PPIP5K2: variants seen among roughly 807,000 people sequenced by gnomAD.
PPIP5K2 encodes diphosphoinositol pentakisphosphate kinase 2, also known as inositol hexakisphosphate and diphosphoinositol-pentakisphosphate kinase 2.
A neutral mutation model predicts 154.6 loss-of-function variants in PPIP5K2; 105 were observed. That is an observed-to-expected ratio of 0.68 (90% CI 0.58 to 0.80). The LOEUF is 0.80. Among genes scored for constraint, PPIP5K2 ranks in the 30% least tolerant of loss-of-function variants. The pLI, the probability that PPIP5K2 is intolerant of heterozygous loss-of-function variation, is 0.00. For missense variants in PPIP5K2, 992 were observed against 1,504.6 expected (o/e 0.66, Z 5.64); for synonymous variants, 480 against 490.3 (o/e 0.98, Z 0.28).
chr5:103,196,013 T>A (rs1554228406), intron 30 of PPIP5K2, among the ~76,000 whole-genome samples: 1 of 152,164 alleles, frequency 6.6e-6, no homozygotes, highest in African/African-American at 2.4e-5. Flanking sequence ...CATATAACTG[T>A]CAGAAATGAT....
chr5:103,167,385 A>C lies in PPIP5K2; in HGVS notation c.2062+65A>C. 3.9e-6 allele frequency: 5 copies of C among 1,276,922 alleles called. No homozygotes were observed. In the South Asian group the frequency reaches 9.5e-5, roughly 24 times the overall value. The allele number at this position is 1,276,922 out of a possible 1,614,324, so 79.1% of individuals were successfully genotyped here. ...TACTATTCAATTAAGCATTTAATATATGATGCACCAATCTTGTTGTAAGAA... is the reference window on the plus strand; with the variant it reads ...TACTATTCAATTAAGCATTTAATATCTGATGCACCAATCTTGTTGTAAGAA... On this transcript the variant is annotated intron_variant, in intron 18 of 30. Coordinates refer to ENST00000358359, the MANE Select transcript of PPIP5K2 (RefSeq NM_001276277.3).
At chr5:103,174,993 T>TG (rs1382173457) in intron 21 of PPIP5K2, among the ~76,000 whole-genome samples, 1 of 152,098 alleles carries the variant, frequency 6.6e-6, no homozygotes, top group Admixed American at 6.6e-5. Context: ...TAATACTACT[T>TG]GAAGTCCAGA....
intron 1 of PPIP5K2, among the ~76,000 whole-genome samples, chr5:103,123,536 A>G (rs1789133646): frequency 6.6e-6 from 1 of 152,226 alleles, no homozygotes; most frequent in South Asian, 2.1e-4. Context: ...TTTTAGTAGC[A>G]TAACACTCAT....
chr5:103,201,272 C>T (rs1802949380), intron 30 of PPIP5K2, among the ~76,000 whole-genome samples: 1 of 152,296 alleles, frequency 6.6e-6, no homozygotes, highest in South Asian at 2.1e-4. Flanking sequence ...AAAATATATT[C>T]ATTTCCTAGG....
intron 5 of PPIP5K2, 69 bp from the exon 6 acceptor site, chr5:103,146,458 T>A (rs1255176122): frequency 6.9e-7 from 1 of 1,459,846 alleles, no homozygotes; most frequent in Non-Finnish European, 9.2e-7. Flanking sequence ...AAGTCCTCGA[T>A]AATAATGTGG....
intron 5 of PPIP5K2, among the ~76,000 whole-genome samples, chr5:103,143,086 T>A (rs1793124325): frequency 6.6e-6 from 1 of 152,164 alleles, no homozygotes; most frequent in African/African-American, 2.4e-5. Flanking sequence ...GTCATCAATT[T>A]AAAATAATTG....
In PPIP5K2 at chr5:103,120,413, A is replaced by T. The variant is rs781892962; in HGVS notation, c.-360A>T. The T allele has an allele frequency of 2.2e-6, 1 of 456,646 alleles. No individual in the cohort carries two copies. Among genetic ancestry groups the T allele is most frequent in the South Asian group, 1.5e-5 (1 of 64,566 alleles). The allele number at this position is 456,646 out of a possible 1,614,324, so 28.3% of individuals were successfully genotyped here. A position where few individuals can be genotyped will look rare whatever the true frequency, so the allele number is the denominator to read the frequency against. ...CAAACACCTCACCCCTGCCTCCGGG[A>T]TGAAAGGGGGTAACCTAGACCTGAA... On this transcript the variant is annotated 5_prime_UTR_variant, in exon 1 of 31. The change abolishes an upstream ATG in the 5' untranslated region. Transcript: ENST00000358359.
Position 103,203,392 on chromosome 5 carries a change from A to G in PPIP5K2, c.*1758A>G, listed in dbSNP as rs1317789696. On this transcript the variant is annotated 3_prime_UTR_variant, in exon 31 of 31. Transcript: ENST00000358359. ...AAGTACAGTACAACTAACTTTTTCC[A>G]TTGTTATGCAAGAACTATTACTTTC... 5 of 152,176 alleles carry G rather than the reference A, an allele frequency of 3.3e-5. No individual in the cohort carries two copies. The highest frequency in any genetic ancestry group is 7.4e-5 in the Non-Finnish European group (5 of 68,018). The allele number at this position is 152,176 out of a possible 1,614,324, so 9.4% of individuals were successfully genotyped here.
chr5:103,176,807 T>G, intron 21 of PPIP5K2: 1 of 998,414 alleles, frequency 1.0e-6, no homozygotes, highest in Non-Finnish European at 1.4e-6. Flanking sequence ...TGAATGCTTG[T>G]AGTACATGTT....
At position 103,180,345 on chromosome 5, in the gene PPIP5K2, A is replaced by T. The variant is rs372726722; in HGVS notation, c.2922+157A>T. Among the ~76,000 whole-genome samples, 31 of 152,270 alleles carry T rather than the reference A, an allele frequency of 2.0e-4. No homozygotes were observed. In the East Asian group the frequency reaches 4.4e-3, roughly 22 times the overall value. ...TTTAAATAAATTACAAAAAATATAGAGGCAGTTCAAAAATAGATTAGCTTT... is the reference window on the plus strand; with the variant it reads ...TTTAAATAAATTACAAAAAATATAGTGGCAGTTCAAAAATAGATTAGCTTT... On this transcript the variant is annotated intron_variant, in intron 24 of 30. Coordinates refer to ENST00000358359, the MANE Select transcript of PPIP5K2 (RefSeq NM_001276277.3).
intron 9 of PPIP5K2, among the ~76,000 whole-genome samples, chr5:103,152,379 T>TA (rs1403206252): frequency 3.3e-5 from 5 of 151,966 alleles, no homozygotes; most frequent in African/African-American, 1.2e-4. Context: ...GATGTAATTG[T>TA]AGTGATTTCT....
Position 103,190,825 on chromosome 5 carries a change from GT to G in PPIP5K2, c.3353-10del, listed in dbSNP as rs782657707. The G allele has an allele frequency of 5.8e-6, 9 of 1,548,456 alleles. No individual in the cohort carries two copies. Among genetic ancestry groups the G allele is most frequent in the Middle Eastern group, 1.7e-4 (1 of 5,742 alleles). On this transcript the variant is annotated splice_polypyrimidine_tract_variant and intron_variant, in intron 28 of 30. Coordinates refer to ENST00000358359, the MANE Select transcript of PPIP5K2 (RefSeq NM_001276277.3). ...ATCCATCTTTTATTTTTTGTTTTTG[GT>G]TTTTTTCTCTTCTAGGCTTTGAATT...
Position 103,158,450 on chromosome 5 carries a change from A to C in PPIP5K2, c.1616-2A>C, listed in dbSNP as rs1554214437. ...TGAAGTGATTTGAGGATTTATTTTCAGGAGATTATGCAGGATTTCCTGGTT... is the reference window on the plus strand; with the variant it reads ...TGAAGTGATTTGAGGATTTATTTTCCGGAGATTATGCAGGATTTCCTGGTT... On this transcript the variant is annotated splice_acceptor_variant, in intron 15 of 30. Coordinates refer to ENST00000358359, the MANE Select transcript of PPIP5K2 (RefSeq NM_001276277.3). LOFTEE classifies it high-confidence loss of function. The C allele has an allele frequency of 6.2e-7, 1 of 1,601,032 alleles. No homozygotes were observed. The highest frequency in any genetic ancestry group is 8.5e-7 in the Non-Finnish European group (1 of 1,176,800).
intron 16 of PPIP5K2, 74 bp downstream of exon 16, chr5:103,158,647 C>T (rs574160320): frequency 1.5e-4 from 190 of 1,286,812 alleles, no homozygotes; most frequent in Middle Eastern, 1.3e-3. Context: ...TTTGGCTGGG[C>T]GCAGTGGCTT....
rs1803620179 is a variant in PPIP5K2, at chr5:103,208,188, T to C, written c.*6554T>C. 6.6e-6 allele frequency: 1 copy of C among 152,172 alleles called. No individual in the cohort carries two copies. The highest frequency in any genetic ancestry group is 1.5e-5 in the Non-Finnish European group (1 of 68,112). 9.4% of individuals were successfully genotyped at this position (152,172 alleles called of 1,614,324 possible). A position where few individuals can be genotyped will look rare whatever the true frequency, so the allele number is the denominator to read the frequency against. Reference sequence around the variant, plus strand: ...TCACTGCAACCTCCACCTTCCAGTTTCAAATGATTCTCCTCCCTCAGCCTC... The same window carrying C: ...TCACTGCAACCTCCACCTTCCAGTTCCAAATGATTCTCCTCCCTCAGCCTC... On this transcript the variant is annotated 3_prime_UTR_variant, in exon 31 of 31. Transcript: ENST00000358359.
At chr5:103,180,677 C>T (rs1047617268) in intron 24 of PPIP5K2, among the ~76,000 whole-genome samples, 5 of 151,548 alleles carry the variant, frequency 3.3e-5, no homozygotes, top group South Asian at 4.2e-4. Flanking sequence ...GTGAAACCCC[C>T]GTCTCTACTA....
intron 24 of PPIP5K2, among the ~76,000 whole-genome samples, chr5:103,180,565 G>A (rs1306144348): frequency 6.6e-6 from 1 of 151,736 alleles, no homozygotes; most frequent in African/African-American, 2.4e-5. Context: ...TAGTTAGAGA[G>A]CAAGCCGGGC....
rs1268746459 is a variant in PPIP5K2, at chr5:103,212,720, G to C, written c.*11086G>C. 6 of 152,032 alleles carry C rather than the reference G, an allele frequency of 3.9e-5. No individual in the cohort carries two copies. The highest frequency in any genetic ancestry group is 7.4e-5 in the Non-Finnish European group (5 of 67,960). The allele number at this position is 152,032 out of a possible 1,614,324, so 9.4% of individuals were successfully genotyped here. Reference sequence around the variant, plus strand: ...GCTTTGTAAAATAAAGTGATGTTAAGCTACTATTGTAAAGTTAAAAATTTT... The same window carrying C: ...GCTTTGTAAAATAAAGTGATGTTAACCTACTATTGTAAAGTTAAAAATTTT... On this transcript the variant is annotated 3_prime_UTR_variant, in exon 31 of 31. Coordinates refer to ENST00000358359, the MANE Select transcript of PPIP5K2 (RefSeq NM_001276277.3).
chr5:103,174,611 T>C (rs1798430975), intron 21 of PPIP5K2, among the ~76,000 whole-genome samples: 2 of 152,032 alleles, frequency 1.3e-5, no homozygotes, highest in Non-Finnish European at 2.9e-5. Flanking sequence ...TTCCTCAAAA[T>C]ATTGCACCTG....
Sources: allele counts gnomAD v4.1 joint callset (sites outside exome capture counted in the v4.1 genomes callset), GRCh38; gene constraint gnomAD v4.1.1; transcripts MANE v1.5; gene names NCBI Gene and HGNC (gene_info 2026-07-23, HGNC 2026-07-21).